HHAT: variants seen among roughly 807,000 people sequenced by gnomAD.
The protein encoded by HHAT is hedgehog acyltransferase.
A neutral mutation model predicts 70.8 loss-of-function variants in HHAT; 47 were observed. The observed-to-expected ratio is 0.66, with a 90% CI of 0.53 to 0.85. The LOEUF is 0.85. Ranked by LOEUF, HHAT falls within the 40% of genes least tolerant of loss-of-function variation. The pLI is 0.00. For synonymous variants in HHAT, 228 were observed against 247.6 expected (o/e 0.92, Z 0.74); for missense variants, 609 against 604.8 (o/e 1.01, Z -0.07).
chr1:210,521,232 C>T (rs1283153295), intron 9 of HHAT, among the ~76,000 whole-genome samples: 1 of 152,182 alleles, frequency 6.6e-6, no homozygotes, highest in Non-Finnish European at 1.5e-5. Context: ...GAAGGTAGAA[C>T]ATGACAGCTG....
chr1:210,619,164 C>T (rs1250049470), intron 10 of HHAT, among the ~76,000 whole-genome samples: 1 of 152,162 alleles, frequency 6.6e-6, no homozygotes, highest in Non-Finnish European at 1.5e-5. Context: ...GGTATATTCA[C>T]ATTCACAGGG....
Position 210,558,247 on chromosome 1 carries a change from A to G in HHAT, c.1044-29651A>G, listed in dbSNP as rs553391404. Among the ~76,000 whole-genome samples the G allele has an allele frequency of 4.0e-3, 613 of 152,350 alleles. 3 individuals carry two copies. The highest frequency in any genetic ancestry group is 7.0e-3 in the Non-Finnish European group (475 of 68,034). ...CAAGTGAATAGAAAACGTGTTTCAC[A>G]AAACCTAGTGGTCTCAGTGTCCCTC... On this transcript the variant is annotated intron_variant, in intron 9 of 11. Coordinates refer to ENST00000261458, the MANE Select transcript of HHAT (RefSeq NM_018194.6).
At chr1:210,427,066 C>T (rs116524767) in intron 7 of HHAT, among the ~76,000 whole-genome samples, 273 of 152,006 alleles carry the variant, frequency 1.8e-3, no homozygotes, top group African/African-American at 6.1e-3. Context: ...GTTCAGTCTT[C>T]GGAGGGTGTA....
chr1:210,347,076 C>T (rs1190960978), intron 1 of HHAT, among the ~76,000 whole-genome samples: 1 of 152,186 alleles, frequency 6.6e-6, no homozygotes, highest in Non-Finnish European at 1.5e-5. Context: ...GAATATAATA[C>T]ATTATTGTTA....
chr1:210,532,773 AAAAC>A (rs57716733), intron 9 of HHAT, among the ~76,000 whole-genome samples: 27,958 of 152,142 alleles, frequency 0.18, 3,196 homozygotes, highest in Middle Eastern at 0.29. Context: ...TTGGAGAGGG[AAAAC>A]AAACATTTAT....
At chr1:210,496,010 C>CAAAAAAA (rs10639399) in intron 8 of HHAT, among the ~76,000 whole-genome samples, 6,234 of 67,374 alleles carry the variant, frequency 0.093, 715 homozygotes, top group African/African-American at 0.21. Context: ...AACTCTATCT[C>CAAAAAAA]AAAAAAAAAA....
intron 3 of HHAT, among the ~76,000 whole-genome samples, chr1:210,373,669 CACTT>C (rs1343924981): frequency 2.0e-5 from 3 of 152,164 alleles, no homozygotes; most frequent in Admixed American, 6.5e-5. Flanking sequence ...GTTTATTAAA[CACTT>C]ACTAGGCAAG....
intron 3 of HHAT, among the ~76,000 whole-genome samples, chr1:210,368,680 G>C (rs978945747): frequency 2.6e-5 from 4 of 152,148 alleles, no homozygotes; most frequent in African/African-American, 9.7e-5. Flanking sequence ...AAAACACCCA[G>C]CATGCTTGTA....
intron 9 of HHAT, among the ~76,000 whole-genome samples, chr1:210,539,916 T>A (rs1437099204): frequency 2.0e-5 from 3 of 152,228 alleles, no homozygotes; most frequent in Non-Finnish European, 4.4e-5. Context: ...TCTCAGATCA[T>A]CAAGGGCTTA....
At chr1:210,329,570 C>A (rs2084804255) in intron 1 of HHAT, 2 of 749,836 alleles carry the variant, frequency 2.7e-6, no homozygotes, top group Non-Finnish European at 1.6e-6. Flanking sequence ...GGTCTTTATG[C>A]GGAAAAACCC....
At chr1:210,451,889 C>G (rs12741858) in intron 7 of HHAT, among the ~76,000 whole-genome samples, 18,350 of 152,196 alleles carry the variant, frequency 0.12, 1,184 homozygotes, top group Non-Finnish European at 0.14. Context: ...GGGTATGGAA[C>G]TTGTAACCTA....
intron 8 of HHAT, 51 bp downstream of exon 8, chr1:210,464,706 C>CA (rs1042471777): frequency 6.2e-7 from 1 of 1,602,852 alleles, no homozygotes; most frequent in Non-Finnish European, 8.5e-7. Flanking sequence ...GTGGGAGGAG[C>CA]ATGGCTGGGC....
intron 2 of HHAT, among the ~76,000 whole-genome samples, chr1:210,350,819 G>A (rs764735143): frequency 1.4e-4 from 22 of 152,100 alleles, no homozygotes; most frequent in Admixed American, 3.3e-4. Flanking sequence ...GCTTATCCTT[G>A]CCTTATTCCT....
intron 10 of HHAT, among the ~76,000 whole-genome samples, chr1:210,601,188 G>C (rs1337964046): frequency 6.6e-6 from 1 of 152,090 alleles, no homozygotes; most frequent in Non-Finnish European, 1.5e-5. Context: ...ATTCCAAATT[G>C]GGTTTAAGAA....
chr1:210,623,793 C>T (rs904518001), intron 11 of HHAT, 123 bp downstream of exon 11: 5 of 1,023,126 alleles, frequency 4.9e-6, no homozygotes, highest in Non-Finnish European at 7.2e-6. Context: ...TGGCATGTGA[C>T]CTCTAAAGTA....
At chr1:210,454,035 C>A (rs1321248523) in intron 7 of HHAT, among the ~76,000 whole-genome samples, 1 of 152,158 alleles carries the variant, frequency 6.6e-6, no homozygotes, top group Non-Finnish European at 1.5e-5. Flanking sequence ...AAGCAGAAAC[C>A]CCTGTTAAAC....
At chr1:210,444,701 A>G (rs2093599036) in intron 7 of HHAT, among the ~76,000 whole-genome samples, 2 of 152,158 alleles carry the variant, frequency 1.3e-5, no homozygotes, top group African/African-American at 4.8e-5. Context: ...TTAAATAGAG[A>G]CTGGGTGTCA....
intron 9 of HHAT, among the ~76,000 whole-genome samples, chr1:210,585,891 G>A (rs1185321189): frequency 6.6e-6 from 1 of 152,210 alleles, no homozygotes; most frequent in Non-Finnish European, 1.5e-5. Flanking sequence ...GACACCAAGA[G>A]TAGGTGATGA....
chr1:210,391,797 A>G (rs2091475856), intron 4 of HHAT, among the ~76,000 whole-genome samples: 2 of 152,302 alleles, frequency 1.3e-5, no homozygotes, highest in Non-Finnish European at 1.5e-5. Context: ...ATGTATTTGT[A>G]TAACTACTTA....
Sources: allele counts gnomAD v4.1 joint callset (sites outside exome capture counted in the v4.1 genomes callset), GRCh38; gene constraint gnomAD v4.1.1; transcripts MANE v1.5; gene names NCBI Gene and HGNC (gene_info 2026-07-23, HGNC 2026-07-21).